The following BABAM2 variants were observed in gnomAD, a reference collection of about 807,000 sequenced individuals.
BABAM2 encodes the protein BRISC and BRCA1 A complex member 2.
Under a neutral mutation model 54.7 loss-of-function variants are expected in BABAM2, and 31 were observed. The observed-to-expected ratio is 0.57, with a 90% CI of 0.43 to 0.77. The LOEUF is 0.77. Ranked by LOEUF, BABAM2 falls within the 30% of genes least tolerant of loss-of-function variation. The pLI is 0.00. For missense variants in BABAM2, 364 were observed against 455.8 expected, an observed-to-expected ratio of 0.80 and a Z score of 1.83; for synonymous variants, 167 against 162.9, an observed-to-expected ratio of 1.03 and a Z score of -0.19.
intron 10 of BABAM2, among the ~76,000 whole-genome samples, chr2:28,261,328 ATTT>A (rs70956010): frequency 2.9e-5 from 4 of 136,752 alleles, no homozygotes; most frequent in African/African-American, 2.7e-5. Flanking sequence ...ATTACTTAGA[ATTT>A]TTTTTTTTTT....
At chr2:28,126,200 A>T (rs1021584894) in intron 6 of BABAM2, among the ~76,000 whole-genome samples, 1 of 151,162 alleles carries the variant, frequency 6.6e-6, no homozygotes, top group Admixed American at 6.6e-5. Flanking sequence ...TGTGCAGGTT[A>T]GTTACATATG....
At chr2:28,103,552 T>C (rs1390575455) in intron 6 of BABAM2, among the ~76,000 whole-genome samples, 1 of 152,100 alleles carries the variant, frequency 6.6e-6, no homozygotes, top group African/African-American at 2.4e-5. Context: ...CAATCCATCC[T>C]CCCATCTCAG....
At chr2:28,030,876 A>G (rs1007299968) in intron 5 of BABAM2, among the ~76,000 whole-genome samples, 2 of 152,172 alleles carry the variant, frequency 1.3e-5, no homozygotes, top group Non-Finnish European at 2.9e-5. Flanking sequence ...GAAGCTCTAA[A>G]GGAAACCGTT....
At chr2:28,120,743 G>A (rs1197293305) in intron 6 of BABAM2, among the ~76,000 whole-genome samples, 1 of 152,176 alleles carries the variant, frequency 6.6e-6, no homozygotes, top group Non-Finnish European at 1.5e-5. Context: ...ATATATTGCT[G>A]AAACAGCATG....
At chr2:28,146,850 G>T (rs574072303) in intron 7 of BABAM2, among the ~76,000 whole-genome samples, 1 of 152,236 alleles carries the variant, frequency 6.6e-6, no homozygotes, top group African/African-American at 2.4e-5. Flanking sequence ...GCTAATATGG[G>T]ACTTTTCAGT....
rs996452763 is a variant in BABAM2, at chr2:27,893,384, T to G, written c.-24-1149T>G. On this transcript the variant is annotated intron_variant, in intron 1 of 11. Coordinates refer to ENST00000379624, the MANE Select transcript of BABAM2 (RefSeq NM_199191.3). ...TAAGATCCATGTTAGTCTGTGTTGC[T>G]TGATAGCTGCATAGATGTATGTTTT... is the stretch of plus-strand genomic sequence containing the variant. Among the ~76,000 whole-genome samples the G allele has an allele frequency of 2.6e-5, 4 of 152,364 alleles. No individual in the cohort carries two copies. In the South Asian group the frequency reaches 8.3e-4, roughly 32 times the overall value.
intron 3 of BABAM2, among the ~76,000 whole-genome samples, chr2:27,959,390 A>G (rs1175031047): frequency 1.3e-5 from 2 of 152,202 alleles, no homozygotes; most frequent in Non-Finnish European, 1.5e-5. Context: ...CTATTACTGG[A>G]TAAAAGAACA....
intron 4 of BABAM2, among the ~76,000 whole-genome samples, chr2:27,999,170 A>G (rs1016982662): frequency 3.9e-5 from 6 of 152,064 alleles, no homozygotes; most frequent in African/African-American, 9.7e-5. Context: ...TACCAGGCAC[A>G]CTAAGATTTT....
chr2:27,963,167 T>C lies in BABAM2; in HGVS notation c.206-24826T>C, dbSNP rs142433501. Reference sequence around the variant, plus strand: ...TAGATGAAGGAAATCGTTGTCCCAATATTTAAAGAAAAGAAGGAGAGGCCA... The same window carrying C: ...TAGATGAAGGAAATCGTTGTCCCAACATTTAAAGAAAAGAAGGAGAGGCCA... On this transcript the variant is annotated intron_variant, in intron 3 of 11. Coordinates refer to ENST00000379624, the MANE Select transcript of BABAM2 (RefSeq NM_199191.3). 1.9e-3 allele frequency among the ~76,000 whole-genome samples: 286 copies of C among 152,172 alleles called. 1 individual carries two copies. Among genetic ancestry groups the C allele is most frequent in the Middle Eastern group, 6.8e-3 (2 of 294 alleles).
At chr2:28,052,382 G>T (rs1409376178) in intron 6 of BABAM2, among the ~76,000 whole-genome samples, 1 of 151,490 alleles carries the variant, frequency 6.6e-6, no homozygotes, top group Non-Finnish European at 1.5e-5. Flanking sequence ...CCGCCTCTGG[G>T]ATTCAGGCAA....
intron 5 of BABAM2, among the ~76,000 whole-genome samples, chr2:28,044,144 A>G (rs895509534): frequency 3.9e-5 from 6 of 152,216 alleles, no homozygotes; most frequent in Non-Finnish European, 7.3e-5. Context: ...TTAGGCAGAT[A>G]TTAGTTATTA....
At chr2:28,077,931 A>G (rs1383307430) in intron 6 of BABAM2, among the ~76,000 whole-genome samples, 2 of 152,184 alleles carry the variant, frequency 1.3e-5, no homozygotes, top group African/African-American at 4.8e-5. Flanking sequence ...GTAACTGGGT[A>G]GATGTTTGCG....
rs1159750893 is a variant in BABAM2, at chr2:28,322,182, C to T, written c.1089-16268C>T. Among the ~76,000 whole-genome samples, 1 of 152,048 alleles carries T rather than the reference C, an allele frequency of 6.6e-6. No homozygotes were observed. The highest frequency in any genetic ancestry group is 1.5e-5 in the Non-Finnish European group (1 of 68,020). On this transcript the variant is annotated intron_variant, in intron 11 of 11. Coordinates refer to ENST00000379624, the MANE Select transcript of BABAM2 (RefSeq NM_199191.3). This position sits in a 1 kb window ranked among gnomAD's most constrained non-coding sequence, Gnocchi z 4.1. Reference sequence around the variant, plus strand: ...GACTGGGGCAGAGTAGTCTGGAGTGCTGCATGTAAAGCTAGGCACTCCCCA... The same window carrying T: ...GACTGGGGCAGAGTAGTCTGGAGTGTTGCATGTAAAGCTAGGCACTCCCCA...
intron 6 of BABAM2, among the ~76,000 whole-genome samples, chr2:28,072,413 T>C (rs1664236088): frequency 6.8e-6 from 1 of 147,476 alleles, no homozygotes; most frequent in African/African-American, 2.5e-5. Flanking sequence ...TGAGGCGGAG[T>C]CTCGCTCTGT....
intron 7 of BABAM2, among the ~76,000 whole-genome samples, chr2:28,162,250 G>A (rs182528233): frequency 7.2e-5 from 11 of 152,210 alleles, no homozygotes; most frequent in Middle Eastern, 3.4e-3. Flanking sequence ...ACCTCACACC[G>A]GGACAGTAAA....
At chr2:27,915,272 TCTC>T (rs1443757911) in intron 2 of BABAM2, among the ~76,000 whole-genome samples, 1 of 151,980 alleles carries the variant, frequency 6.6e-6, no homozygotes, top group African/African-American at 2.4e-5. Flanking sequence ...TGAGATAGAC[TCTC>T]CTCCTCCTTA....
chr2:28,087,595 G>T (rs986947781), intron 6 of BABAM2, among the ~76,000 whole-genome samples: 7 of 151,974 alleles, frequency 4.6e-5, no homozygotes, highest in Middle Eastern at 3.4e-3. Flanking sequence ...TTTTAGCCTT[G>T]CCTCTCACTG....
chr2:28,036,818 C>T (rs557249994), intron 5 of BABAM2, among the ~76,000 whole-genome samples: 11 of 152,304 alleles, frequency 7.2e-5, no homozygotes, highest in African/African-American at 2.6e-4. Context: ...GATTAAATTA[C>T]TTCCAAAGCG....
At position 28,236,357 on chromosome 2, in the gene BABAM2, T is replaced by TTTTTTTC. The variant is rs1219524380; in HGVS notation, c.681-831_681-825dup. On this transcript the variant is annotated intron_variant, in intron 7 of 11. Transcript: ENST00000379624. ...AAAAAAGAATTTCTTTTTTTTTTTC[T>TTTTTTTC]TTTTTTCTTTTTTCTTTTTTTTTTG... 2.0e-5 allele frequency among the ~76,000 whole-genome samples: 3 copies of TTTTTTTC among 151,820 alleles called. 1 individual carries two copies. In the East Asian group the frequency reaches 5.8e-4, roughly 29 times the overall value.
Sources: allele counts gnomAD v4.1 joint callset (sites outside exome capture counted in the v4.1 genomes callset), GRCh38; gene constraint gnomAD v4.1.1; non-coding constraint Gnocchi (gnomAD v3.1); transcripts MANE v1.5; gene names NCBI Gene and HGNC (gene_info 2026-07-23, HGNC 2026-07-21).